The following FAM184A variants were observed in gnomAD, a reference collection of about 807,000 sequenced individuals.
The protein encoded by FAM184A is protein FAM184A.
FAM184A carries 99 observed loss-of-function variants against 143.8 expected under a neutral mutation model. That is an observed-to-expected ratio of 0.69 (90% CI 0.58 to 0.81). The LOEUF is 0.81. FAM184A is among the 40% of genes least tolerant of loss of function. The pLI, the probability that FAM184A is intolerant of heterozygous loss-of-function variation, is 0.00. For missense variants in FAM184A, 1,217 were observed against 1,310.5 expected, an observed-to-expected ratio of 0.93 and a Z score of 1.10; for synonymous variants, 427 against 446.4, an observed-to-expected ratio of 0.96 and a Z score of 0.55.
chr6:119,088,637 A>G (rs571892453), intron 1 of FAM184A, among the ~76,000 whole-genome samples: 4 of 151,564 alleles, frequency 2.6e-5, no homozygotes, highest in Admixed American at 2.0e-4. Context: ...GGTGATCTCA[A>G]AGGTACTTTT....
intron 4 of FAM184A, among the ~76,000 whole-genome samples, chr6:119,018,411 T>C (rs961681782): frequency 7.2e-5 from 11 of 152,140 alleles, no homozygotes; most frequent in Admixed American, 6.5e-5. Context: ...TTGTGCAGCA[T>C]TGGAAAGATG....
chr6:119,065,318 A>C (rs1787405955), intron 1 of FAM184A, among the ~76,000 whole-genome samples: 1 of 152,174 alleles, frequency 6.6e-6, no homozygotes, highest in Non-Finnish European at 1.5e-5. Context: ...ACTCAAAAGT[A>C]AAATTTCTAG....
chr6:119,080,557 CATAAT>C (rs1406347029), upstream of FAM184A, among the ~76,000 whole-genome samples: 1 of 152,116 alleles, frequency 6.6e-6, no homozygotes, highest in African/African-American at 2.4e-5. Flanking sequence ...TGAATAGAAA[CATAAT>C]ATACAGGTCG....
chr6:119,037,709 A>G (rs1196884810), intron 1 of FAM184A, among the ~76,000 whole-genome samples: 1 of 152,266 alleles, frequency 6.6e-6, no homozygotes, highest in Non-Finnish European at 1.5e-5. Context: ...ATATTTGCTA[A>G]GCATTGGCAA....
At chr6:119,135,736 A>T (rs911968536) in intron 1 of FAM184A, among the ~76,000 whole-genome samples, 3 of 152,178 alleles carry the variant, frequency 2.0e-5, no homozygotes, top group African/African-American at 7.2e-5. Flanking sequence ...GAGAAGAGCT[A>T]AACTAGAATA....
At chr6:119,074,065 T>A (rs1787785221) in intron 1 of FAM184A, among the ~76,000 whole-genome samples, 1 of 152,032 alleles carries the variant, frequency 6.6e-6, no homozygotes, top group Non-Finnish European at 1.5e-5. Context: ...GAGGTGAAAA[T>A]CTAGAGCCAC....
chr6:119,078,005 G>T lies in FAM184A; in HGVS notation c.159+136C>A. ...CCAAAGTTTGCAGGGTTTTGGAGGT[G>T]TCTCCGGCTGTTGCTTCGGCGGAGG... On this transcript the variant is annotated intron_variant, in intron 1 of 17. Transcript: ENST00000338891. The surrounding 1 kb of genome is among the most constrained non-coding windows in gnomAD (Gnocchi z 5.5). 4 of 1,035,904 alleles carry T rather than the reference G, an allele frequency of 3.9e-6. No homozygotes were observed. Among genetic ancestry groups the T allele is most frequent in the Non-Finnish European group, 5.5e-6 (4 of 732,478 alleles). 64.2% of individuals were successfully genotyped at this position (1,035,904 alleles called of 1,614,324 possible).
chr6:118,977,974 A>T (rs1465934315), intron 11 of FAM184A, among the ~76,000 whole-genome samples: 2 of 151,442 alleles, frequency 1.3e-5, no homozygotes, highest in Non-Finnish European at 3.0e-5. Context: ...TTATTTATTT[A>T]TTTTTTGAGA....
At chr6:119,094,575 TA>T (rs1378154857) in intron 1 of FAM184A, among the ~76,000 whole-genome samples, 1 of 152,180 alleles carries the variant, frequency 6.6e-6, no homozygotes, top group African/African-American at 2.4e-5. Context: ...GACTGGTGAG[TA>T]AACCTGTTCC....
chr6:119,024,247 C>A lies in FAM184A; in HGVS notation c.726G>T (p.Lys242Asn). 1.9e-6 allele frequency: 3 copies of A among 1,614,184 alleles called. No individual in the cohort carries two copies. In the South Asian group the frequency reaches 3.3e-5, roughly 18 times the overall value. Residue 242 changes from lysine (K) to asparagine (N), a missense_variant, in exon 2 of 18, where the codon AAG becomes AAT. Coordinates refer to ENST00000338891, the MANE Select transcript of FAM184A (RefSeq NM_024581.6). ...KMLEELRLER[K>N]KLIEDYEGKL... The stretch of plus-strand genomic sequence containing the variant: ...TGCCTTCATAATCCTCAATTAGTTT[C>A]TTCCGTTCAAGTCTTAGCTCCTCAA...
intron 1 of FAM184A, among the ~76,000 whole-genome samples, chr6:119,144,992 T>C (rs1284314063): frequency 6.6e-6 from 1 of 152,244 alleles, no homozygotes. Flanking sequence ...ATAAATGTAT[T>C]GGTCCTTCTC....
chr6:119,015,301 C>G (rs77578042), intron 5 of FAM184A, among the ~76,000 whole-genome samples: 1 of 151,760 alleles, frequency 6.6e-6, no homozygotes, highest in Non-Finnish European at 1.5e-5. Flanking sequence ...AGCCGGCTCC[C>G]TCAACTTGCA....
intron 1 of FAM184A, among the ~76,000 whole-genome samples, chr6:119,138,878 C>A (rs923883400): frequency 6.6e-6 from 1 of 152,100 alleles, no homozygotes; most frequent in Admixed American, 6.6e-5. Flanking sequence ...CTGCCCTCTT[C>A]GGCCTCCAAA....
At chr6:119,074,297 A>C (rs1219406540) in intron 1 of FAM184A, among the ~76,000 whole-genome samples, 1 of 152,230 alleles carries the variant, frequency 6.6e-6, no homozygotes, top group East Asian at 1.9e-4. Flanking sequence ...CCAGGTAAGA[A>C]GTAAAAAGGC....
chr6:119,115,530 T>C (rs928262266), intron 1 of FAM184A, among the ~76,000 whole-genome samples: 3 of 152,184 alleles, frequency 2.0e-5, no homozygotes, highest in African/African-American at 7.2e-5. Flanking sequence ...TGTCTCTAAT[T>C]AAAAAATAAA....
chr6:118,976,961 CAAT>C (rs1783865746), intron 11 of FAM184A, among the ~76,000 whole-genome samples: 2 of 152,090 alleles, frequency 1.3e-5, no homozygotes, highest in South Asian at 4.2e-4. Context: ...GAAAATGGTA[CAAT>C]CACTCTAGAA....
At chr6:118,964,231 T>C (rs1383455861) in intron 16 of FAM184A, among the ~76,000 whole-genome samples, 1 of 152,136 alleles carries the variant, frequency 6.6e-6, no homozygotes, top group Admixed American at 6.6e-5. Flanking sequence ...AGCCCTTCTC[T>C]GACGATTGGT....
chr6:119,084,564 A>G (rs1788164365), intron 1 of FAM184A, among the ~76,000 whole-genome samples: 1 of 152,176 alleles, frequency 6.6e-6, no homozygotes, highest in Admixed American at 6.5e-5. Context: ...ATTTCCAGGC[A>G]CAGGGTGCAA....
At chr6:119,140,627 T>G (rs139760993) in intron 1 of FAM184A, among the ~76,000 whole-genome samples, 1 of 152,330 alleles carries the variant, frequency 6.6e-6, no homozygotes, top group African/African-American at 2.4e-5. Flanking sequence ...GCCTGCAATC[T>G]GGTTCCCTCG....
Sources: allele counts gnomAD v4.1 joint callset (sites outside exome capture counted in the v4.1 genomes callset), GRCh38; gene constraint gnomAD v4.1.1; non-coding constraint Gnocchi (gnomAD v3.1); transcripts MANE v1.5; gene names NCBI Gene and HGNC (gene_info 2026-07-23, HGNC 2026-07-21).